Variants in PHF2 observed in about 807,000 individuals in gnomAD.
PHF2 encodes the protein PHD finger protein 2.
In PHF2, 27 loss-of-function variants were observed where a neutral mutation model predicts 120.5. The observed-to-expected ratio is 0.22, with a 90% CI of 0.17 to 0.31. The LOEUF (loss-of-function observed/expected upper bound fraction) is 0.31. PHF2 is among the 10% of genes least tolerant of loss of function. The pLI is 1.00. For synonymous variants in PHF2, 568 were observed against 592.5 expected (o/e 0.96, Z 0.60); for missense variants, 1,024 against 1,434.8 (o/e 0.71, Z 4.63).
At chr9:93,669,184 C>T (rs1826736372) in intron 17 of PHF2, among the ~76,000 whole-genome samples, 1 of 152,224 alleles carries the variant, frequency 6.6e-6, no homozygotes, top group Non-Finnish European at 1.5e-5. Context: ...TAGTGGGTGT[C>T]CCTGGCCACC....
intron 4 of PHF2, among the ~76,000 whole-genome samples, chr9:93,646,869 C>A (rs1333248972): frequency 6.6e-6 from 1 of 152,056 alleles, no homozygotes; most frequent in Non-Finnish European, 1.5e-5. Context: ...GTCCCGGGAC[C>A]TGGGGTGAGG....
chr9:93,578,170 A>G (rs923910488), intron 1 of PHF2, among the ~76,000 whole-genome samples: 6 of 152,148 alleles, frequency 3.9e-5, no homozygotes, highest in Admixed American at 2.0e-4. Flanking sequence ...AGGGCCTGCT[A>G]TGTCTGTCAG....
chr9:93,672,905 G>A (rs1211617501), intron 17 of PHF2, among the ~76,000 whole-genome samples: 5 of 151,646 alleles, frequency 3.3e-5, no homozygotes, highest in Non-Finnish European at 5.9e-5. Context: ...TACAGGTGTA[G>A]ATGCAGGTGC....
In PHF2 at chr9:93,671,061, G is replaced by C. The variant is rs77448876; in HGVS notation, c.2349-2524G>C. On this transcript the variant is annotated intron_variant, in intron 17 of 21. Coordinates refer to ENST00000359246, the MANE Select transcript of PHF2 (RefSeq NM_005392.4). The stretch of plus-strand genomic sequence containing the variant: ...TGTGGGGGTAGGTGCAGGTGTAGAT[G>C]CAGGTGGGGGTGCAGGGTGGGGGTA... The C allele has an allele frequency of 3.0e-3, 2,930 of 977,476 alleles. 75 individuals carry two copies. The African/African-American group carries it at 0.049, about 16-fold the overall frequency. 60.6% of individuals were successfully genotyped at this position (977,476 alleles called of 1,614,324 possible). A position where few individuals can be genotyped will look rare whatever the true frequency, so the allele number is the denominator to read the frequency against.
intron 1 of PHF2, among the ~76,000 whole-genome samples, chr9:93,608,514 G>C (rs1027623702): frequency 1.3e-5 from 2 of 151,800 alleles, no homozygotes; most frequent in African/African-American, 4.8e-5. Context: ...ACTGTAGAAA[G>C]TTGATATAAT....
chr9:93,600,655 A>G lies in PHF2; in HGVS notation c.98+23784A>G, dbSNP rs556570632. Among the ~76,000 whole-genome samples, 10 of 152,350 alleles carry G rather than the reference A, an allele frequency of 6.6e-5. No individual in the cohort carries two copies. In the East Asian group the frequency reaches 1.9e-3, roughly 29 times the overall value. On this transcript the variant is annotated intron_variant, in intron 1 of 21. Transcript: ENST00000359246. ...CAGGTTGTGGGATGGTGGCCCTGGC[A>G]TGTGGGAGGGCTGGGTAAATGGTAA... is the stretch of plus-strand genomic sequence containing the variant.
chr9:93,671,259 T>G, intron 17 of PHF2: 1 of 921,446 alleles, frequency 1.1e-6, no homozygotes, highest in East Asian at 1.3e-4. Flanking sequence ...TAGATGCAGG[T>G]GCGGGTGTGG....
chr9:93,627,113 A>G (rs1379286670), intron 1 of PHF2, among the ~76,000 whole-genome samples: 1 of 152,230 alleles, frequency 6.6e-6, no homozygotes, highest in Non-Finnish European at 1.5e-5. Flanking sequence ...TCTTAACACT[A>G]TTAAGTCTTG....
At chr9:93,665,553 A>C in intron 14 of PHF2, 133 bp from the exon 15 acceptor site, 1 of 928,606 alleles carries the variant, frequency 1.1e-6, no homozygotes, top group South Asian at 1.7e-5. Context: ...TGGAAATTCA[A>C]ATAGTGGCAA....
At chr9:93,590,492 G>A (rs549201756) in intron 1 of PHF2, among the ~76,000 whole-genome samples, 10 of 152,352 alleles carry the variant, frequency 6.6e-5, no homozygotes, top group African/African-American at 2.4e-4. Context: ...GTCCACAGAG[G>A]TGGAAAGCTC....
chr9:93,649,374 CTTTTTTT>C (rs752368762), intron 5 of PHF2, among the ~76,000 whole-genome samples, 162 bp downstream of exon 5: 24 of 105,816 alleles, frequency 2.3e-4, no homozygotes, highest in Middle Eastern at 7.6e-3. Context: ...AAATTTTTTC[CTTTTTTT>C]TTTTTTTTTT....
rs1826451898 is a variant in PHF2, at chr9:93,655,945, G to A, written c.964G>A (p.Ala322Thr). The change falls in exon 8 of 22, where the codon GCC becomes ACC. Residue 322 changes from alanine to threonine, a missense_variant. Around this residue, in one of 2 missense-constraint regions of PHF2, gnomAD observed 347 missense variants for 577.4 expected, o/e 0.60. Transcript: ENST00000359246. ...TLFIPSGWIY[A>T]TLTPVDCLAF... ...TGTCTCTCTCCCAGGCTGGATCTAC[G>A]CCACACTCACCCCTGTGGACTGCCT... 2 of 1,611,872 alleles carry A rather than the reference G, an allele frequency of 1.2e-6. No homozygotes were observed. The highest frequency in any genetic ancestry group is 1.7e-6 in the Non-Finnish European group (2 of 1,179,390).
At chr9:93,619,605 G>T (rs1392671364) in intron 1 of PHF2, among the ~76,000 whole-genome samples, 1 of 151,972 alleles carries the variant, frequency 6.6e-6, no homozygotes, top group Admixed American at 6.6e-5. Context: ...GTGGTTCCTG[G>T]TGGCCTGTGT....
chr9:93,610,079 TTG>T (rs1825610983), intron 1 of PHF2, among the ~76,000 whole-genome samples: 1 of 151,622 alleles, frequency 6.6e-6, no homozygotes, highest in South Asian at 2.1e-4. Context: ...AGATTTTTTT[TTG>T]CGGGGAGGCT....
Position 93,676,611 on chromosome 9 carries a change from GAAA to G in PHF2, c.2856_2858del (p.Lys953del). On this transcript the variant is annotated inframe_deletion, in exon 21 of 22. Coordinates refer to ENST00000359246, the MANE Select transcript of PHF2 (RefSeq NM_005392.4). The stretch of plus-strand genomic sequence containing the variant: ...GTTCAAAGGAGGAGCAGAAAAGCAA[GAAA>G]AAAAAGAGTGCCAAGAGGAAGCTGA... The G allele has an allele frequency of 6.3e-7, 1 of 1,599,422 alleles. No individual in the cohort carries two copies. The highest frequency in any genetic ancestry group is 8.6e-7 in the Non-Finnish European group (1 of 1,169,528).
intron 1 of PHF2, among the ~76,000 whole-genome samples, chr9:93,626,214 A>T (rs568122935): frequency 6.6e-6 from 1 of 152,300 alleles, no homozygotes; most frequent in African/African-American, 2.4e-5. Context: ...CTGCATTCCA[A>T]CCTGGGTGAT....
intron 1 of PHF2, among the ~76,000 whole-genome samples, chr9:93,623,328 C>T (rs73651299): frequency 0.022 from 3,397 of 152,236 alleles, 46 homozygotes; most frequent in Middle Eastern, 0.037. Flanking sequence ...CATCTGGTCC[C>T]ACAAAAGTCT....
At chr9:93,619,057 G>T (rs1226786794) in intron 1 of PHF2, among the ~76,000 whole-genome samples, 2 of 151,666 alleles carry the variant, frequency 1.3e-5, no homozygotes, top group Non-Finnish European at 1.5e-5. Context: ...GTACACTGGG[G>T]GTCTGCAGAC....
At chr9:93,605,518 C>A (rs568922923) in intron 1 of PHF2, among the ~76,000 whole-genome samples, 1 of 152,228 alleles carries the variant, frequency 6.6e-6, no homozygotes, top group African/African-American at 2.4e-5. Context: ...CCTCCCAGTA[C>A]CCCCAAACCT....
Sources: allele counts gnomAD v4.1 joint callset (sites outside exome capture counted in the v4.1 genomes callset), GRCh38; gene constraint gnomAD v4.1.1; regional missense constraint gnomAD v4.1.1; transcripts MANE v1.5; gene names NCBI Gene and HGNC (gene_info 2026-07-23, HGNC 2026-07-21).